The following PAPOLA variants were observed in gnomAD, a reference collection of about 807,000 sequenced individuals.
PAPOLA encodes polynucleotide adenylyltransferase alpha.
In PAPOLA, 15 loss-of-function variants were observed where a neutral mutation model predicts 100.6. The ratio of observed to expected loss-of-function variants is 0.15; its 90% confidence interval spans 0.10 to 0.23. The LOEUF is 0.23. Among genes scored for constraint, PAPOLA ranks in the 10% least tolerant of loss-of-function variants. The pLI, the probability that PAPOLA is intolerant of heterozygous loss-of-function variation, is 1.00. For synonymous variants in PAPOLA, 293 were observed against 300.0 expected, an observed-to-expected ratio of 0.98 and a Z score of 0.24; for missense variants, 533 against 884.2, an observed-to-expected ratio of 0.60 and a Z score of 5.04.
At chr14:96,542,529 A>G in intron 13 of PAPOLA, 1 of 542,702 alleles carries the variant, frequency 1.8e-6, no homozygotes, top group Non-Finnish European at 3.2e-6. Context: ...TTGTATATTT[A>G]AAGTGCACTT....
At chr14:96,528,162 T>C (rs966036636) in intron 6 of PAPOLA, among the ~76,000 whole-genome samples, 156 bp downstream of exon 6, 9 of 152,210 alleles carry the variant, frequency 5.9e-5, no homozygotes, top group Non-Finnish European at 1.3e-4. Flanking sequence ...CCTATTCTTG[T>C]AGAATATACC....
intron 2 of PAPOLA, among the ~76,000 whole-genome samples, chr14:96,520,713 A>G (rs556603159): frequency 1.3e-5 from 2 of 149,498 alleles, no homozygotes; most frequent in Non-Finnish European, 3.0e-5. Flanking sequence ...GATGTTATTT[A>G]TTTTTTTTTC....
intron 6 of PAPOLA, among the ~76,000 whole-genome samples, chr14:96,531,252 A>G (rs1218677170): frequency 1.3e-5 from 2 of 151,556 alleles, no homozygotes; most frequent in Non-Finnish European, 2.9e-5. Context: ...CCGCCTGCCC[A>G]GGCCTCCCAA....
chr14:96,540,756 C>G (rs1235003427), intron 12 of PAPOLA, among the ~76,000 whole-genome samples: 2 of 152,212 alleles, frequency 1.3e-5, no homozygotes, highest in African/African-American at 4.8e-5. Flanking sequence ...AGTTTATAGA[C>G]TTCAAGTTAA....
intron 8 of PAPOLA, 24 bp from the exon 9 acceptor site, chr14:96,532,486 CT>C (rs764148220): frequency 1.2e-6 from 2 of 1,604,876 alleles, no homozygotes; most frequent in Non-Finnish European, 1.7e-6. Context: ...ACTAACTTAT[CT>C]TTTTGCTTTT....
intron 9 of PAPOLA, chr14:96,534,068 T>C: frequency 1.0e-6 from 1 of 991,526 alleles, no homozygotes; most frequent in Non-Finnish European, 1.2e-6. Flanking sequence ...TCTATAATTA[T>C]TCATACCCCT....
At position 96,531,457 on chromosome 14, in the gene PAPOLA, G is replaced by C. The variant is rs367672395; in HGVS notation, c.496-18G>C. On this transcript the variant is annotated intron_variant, in intron 6 of 21. Transcript: ENST00000216277. ...AGTAGTTTGACAGATATGGAATGTT[G>C]TTTTGTTTGTGTTTCAGATTGATAT... is the stretch of plus-strand genomic sequence containing the variant. 4 of 1,572,176 alleles carry C rather than the reference G, an allele frequency of 2.5e-6. No individual in the cohort carries two copies. The African/African-American group carries it at 5.4e-5, about 21-fold the overall frequency.
intron 19 of PAPOLA, 55 bp downstream of exon 19, chr14:96,556,468 T>C: frequency 1.7e-6 from 2 of 1,160,562 alleles, no homozygotes; most frequent in East Asian, 2.3e-5. Context: ...TGCCTATTTT[T>C]AAATCCAGTG....
rs566007075 is a variant in PAPOLA, at chr14:96,503,732, G to A, written c.8+1132G>A. On this transcript the variant is annotated intron_variant, in intron 1 of 21. Transcript: ENST00000216277. ...TTGTGGTTTCTAGACATCGAATGTAGTAACTCAGGTCTATTTTTTTTTTGT... is the reference window on the plus strand; with the variant it reads ...TTGTGGTTTCTAGACATCGAATGTAATAACTCAGGTCTATTTTTTTTTTGT... Among the ~76,000 whole-genome samples the A allele has an allele frequency of 4.1e-4, 62 of 152,122 alleles. 1 individual carries two copies. Among genetic ancestry groups the A allele is most frequent in the Non-Finnish European group, 7.6e-4 (52 of 67,994 alleles).
At chr14:96,516,091 C>A (rs995630884) in intron 1 of PAPOLA, among the ~76,000 whole-genome samples, 1 of 152,150 alleles carries the variant, frequency 6.6e-6, no homozygotes, top group Non-Finnish European at 1.5e-5. Flanking sequence ...TGTTTTATCA[C>A]TCTACTTAAT....
chr14:96,556,196 C>T lies in PAPOLA; in HGVS notation c.1787C>T (p.Pro596Leu), dbSNP rs878898442. Reference protein sequence around the residue: ...SSGGTSSESIPQTATQPAISP... With the variant: ...SSGGTSSESILQTATQPAISP... ...TTAGGTACATCGAGTGAAAGCATTC[C>T]TCAAACTGCCACACAACCAGCCATT... Residue 596 changes from proline to leucine, a missense_variant, in exon 19 of 22, where the codon CCT (proline) becomes CTT (leucine). Transcript: ENST00000216277. 6.2e-7 allele frequency: 1 copy of T among 1,613,858 alleles called. No individual in the cohort carries two copies. The highest frequency in any genetic ancestry group is 8.5e-7 in the Non-Finnish European group (1 of 1,179,950).
At position 96,566,819 on chromosome 14, in the gene PAPOLA, T is replaced by C. The variant is rs1902310132; in HGVS notation, c.*1769T>C. ...AAATTACCAGGCACAGATTTAGTCTTGTCATTTTGTTTACACATTGGGGAA... is the reference window on the plus strand; with the variant it reads ...AAATTACCAGGCACAGATTTAGTCTCGTCATTTTGTTTACACATTGGGGAA... On this transcript the variant is annotated 3_prime_UTR_variant, in exon 22 of 22. Transcript: ENST00000216277. 6.6e-6 allele frequency: 1 copy of C among 152,610 alleles called. No individual in the cohort carries two copies. The highest frequency in any genetic ancestry group is 2.1e-4 in the South Asian group (1 of 4,828). 9.5% of individuals were successfully genotyped at this position (152,610 alleles called of 1,614,324 possible). A position where few individuals can be genotyped will look rare whatever the true frequency, so the allele number is the denominator to read the frequency against.
intron 9 of PAPOLA, chr14:96,533,003 C>T: frequency 2.0e-6 from 2 of 994,728 alleles, no homozygotes; most frequent in Non-Finnish European, 1.2e-6. Flanking sequence ...TTTTAATTCT[C>T]TATCTATAGG....
rs11544292 is a variant in PAPOLA, at chr14:96,502,507, C to A, written c.-86C>A. On this transcript the variant is annotated 5_prime_UTR_variant, in exon 1 of 22. Coordinates refer to ENST00000216277, the MANE Select transcript of PAPOLA (RefSeq NM_032632.5). ...CAGGGCTGAGGCAGGCCCCCCCCTC[C>A]CTCCCGCCTCAGTGGATCATGCCCA... 1.6e-5 allele frequency: 18 copies of A among 1,093,116 alleles called. No homozygotes were observed. Among genetic ancestry groups the A allele is most frequent in the Non-Finnish European group, 2.3e-5 (17 of 748,826 alleles). The allele number at this position is 1,093,116 out of a possible 1,614,324, so 67.7% of individuals were successfully genotyped here. A position where few individuals can be genotyped will look rare whatever the true frequency, so the allele number is the denominator to read the frequency against.
chr14:96,518,450 C>A (rs1246216622), intron 1 of PAPOLA, among the ~76,000 whole-genome samples: 2 of 151,884 alleles, frequency 1.3e-5, no homozygotes, highest in Non-Finnish European at 2.9e-5. Context: ...GCTCTGTCCC[C>A]CAGGCTGGAG....
intron 6 of PAPOLA, among the ~76,000 whole-genome samples, chr14:96,528,404 C>T (rs1347148672): frequency 1.3e-5 from 2 of 152,068 alleles, no homozygotes; most frequent in Non-Finnish European, 2.9e-5. Flanking sequence ...AAATATCTTC[C>T]GATAGGGGAG....
At chr14:96,528,468 G>A (rs1006814561) in intron 6 of PAPOLA, among the ~76,000 whole-genome samples, 1 of 152,176 alleles carries the variant, frequency 6.6e-6, no homozygotes, top group Non-Finnish European at 1.5e-5. Context: ...GCTGCTTTCG[G>A]TGTGTGTAAT....
chr14:96,535,659 C>T (rs1035811813), intron 10 of PAPOLA: 17 of 932,398 alleles, frequency 1.8e-5, no homozygotes, highest in Non-Finnish European at 2.3e-5. Flanking sequence ...GTAAGGTTGC[C>T]AAAATCCAAA....
At chr14:96,535,159 A>G in intron 10 of PAPOLA, 2 of 935,462 alleles carry the variant, frequency 2.1e-6, no homozygotes, top group African/African-American at 1.8e-5. Context: ...TTATAAACTG[A>G]TAAAAGAAAT....
Sources: allele counts gnomAD v4.1 joint callset (sites outside exome capture counted in the v4.1 genomes callset), GRCh38; gene constraint gnomAD v4.1.1; transcripts MANE v1.5; gene names NCBI Gene and HGNC (gene_info 2026-07-23, HGNC 2026-07-21).